STXBP4: variants seen among roughly 807,000 people sequenced by gnomAD.
STXBP4 encodes the protein syntaxin-binding protein 4.
In STXBP4, 55 loss-of-function variants were observed where a neutral mutation model predicts 76.1. The ratio of observed to expected loss-of-function variants is 0.72; its 90% confidence interval spans 0.58 to 0.91. STXBP4 has a LOEUF of 0.91. Among genes scored for constraint, STXBP4 ranks in the 40% least tolerant of loss-of-function variants. The pLI is 0.00. For missense variants in STXBP4, 618 were observed against 636.9 expected, an observed-to-expected ratio of 0.97 and a Z score of 0.32; for synonymous variants, 201 against 220.2, an observed-to-expected ratio of 0.91 and a Z score of 0.77.
chr17:55,023,916 C>CA (rs61454264), intron 8 of STXBP4, among the ~76,000 whole-genome samples: 6,514 of 60,896 alleles, frequency 0.11, 33 homozygotes, highest in African/African-American at 0.13. Context: ...GGCCCTTTTC[C>CA]AAAAAAAAAA....
chr17:55,095,405 C>A (rs1022017318), intron 16 of STXBP4, among the ~76,000 whole-genome samples: 4 of 152,166 alleles, frequency 2.6e-5, no homozygotes, highest in Non-Finnish European at 1.5e-5. Context: ...GCCTGAAAAT[C>A]TCCTCTTCCA....
chr17:55,077,098 A>T (rs1368335630), intron 13 of STXBP4, among the ~76,000 whole-genome samples: 2 of 152,150 alleles, frequency 1.3e-5, no homozygotes, highest in African/African-American at 4.8e-5. Flanking sequence ...GTATCTGCTC[A>T]CTTAAATATC....
Position 55,007,489 on chromosome 17 carries a change from A to G in STXBP4, c.575-17A>G, listed in dbSNP as rs1288614261. 6.3e-7 allele frequency: 1 copy of G among 1,587,514 alleles called. No homozygotes were observed. ...CCAATTAAGTTCCCAATTAATGTGC[A>G]CCCTGTTGTCTCTTAGATGTTGCTT... is the stretch of plus-strand genomic sequence containing the variant. On this transcript the variant is annotated splice_polypyrimidine_tract_variant and intron_variant, in intron 7 of 17. Transcript: ENST00000376352.
chr17:54,986,026 A>T lies in STXBP4; in HGVS notation c.-78-116A>T, dbSNP rs1309216134. On this transcript the variant is annotated intron_variant, in intron 2 of 17. Transcript: ENST00000376352. ...AATACATACAATACATCTAACATCT[A>T]TATACAGGCTTATATTATTTATGTT... 5 of 588,248 alleles carry T rather than the reference A, an allele frequency of 8.5e-6. No individual in the cohort carries two copies. The East Asian group carries it at 1.5e-4, about 18-fold the overall frequency. 36.4% of individuals were successfully genotyped at this position (588,248 alleles called of 1,614,324 possible). A position where few individuals can be genotyped will look rare whatever the true frequency, so the allele number is the denominator to read the frequency against.
chr17:55,210,745 T>G, the STXBP4 span, among the ~76,000 whole-genome samples: 1 of 152,234 alleles, frequency 6.6e-6, no homozygotes, highest in African/African-American at 2.4e-5. Flanking sequence ...AACACACATG[T>G]GTTGTAAAAC....
At position 54,990,405 on chromosome 17, in the gene STXBP4, G is replaced by C. The variant is rs113230395; in HGVS notation, c.48-420G>C. Among the ~76,000 whole-genome samples the C allele has an allele frequency of 2.4e-4, 37 of 152,270 alleles. 2 individuals are homozygous for C. The highest frequency in any genetic ancestry group is 8.7e-4 in the African/African-American group (36 of 41,542). The stretch of plus-strand genomic sequence containing the variant: ...AGGAGCATGAACCCTATTGTGAACT[G>C]TGCATGTGAGGGATCTAGCTTGCGT... On this transcript the variant is annotated intron_variant, in intron 3 of 17. Transcript: ENST00000376352.
chr17:55,114,638 A>C (rs964912653), intron 16 of STXBP4, among the ~76,000 whole-genome samples: 8 of 152,054 alleles, frequency 5.3e-5, no homozygotes, highest in Non-Finnish European at 8.8e-5. Flanking sequence ...TTATTTCAGA[A>C]AAGGCTTAAC....
intron 17 of STXBP4, among the ~76,000 whole-genome samples, chr17:55,150,886 T>G (rs2080208540): frequency 6.6e-6 from 1 of 152,214 alleles, no homozygotes; most frequent in Admixed American, 6.5e-5. Context: ...GCTAATCAAC[T>G]AACCTTAAAA....
In STXBP4 at chr17:55,001,663, A is replaced by C. The variant is rs544728636; in HGVS notation, c.574+780A>C. ...TGAAAAATAAGGAAGCATTAATTTA[A>C]ATTAAATAGCTACCAATCTTTTTTT... On this transcript the variant is annotated intron_variant, in intron 7 of 17. Transcript: ENST00000376352. Among the ~76,000 whole-genome samples, 44 of 152,338 alleles carry C rather than the reference A, an allele frequency of 2.9e-4. 1 individual carries two copies. The highest frequency in any genetic ancestry group is 6.8e-3 in the Middle Eastern group (2 of 294).
At chr17:55,053,213 G>T (rs546088645) in intron 12 of STXBP4, among the ~76,000 whole-genome samples, 2 of 151,822 alleles carry the variant, frequency 1.3e-5, no homozygotes, top group East Asian at 1.9e-4. Context: ...TTATATAAAA[G>T]AATATCCTTA....
At chr17:55,185,244 T>TCC in the STXBP4 span, among the ~76,000 whole-genome samples, 7 of 52,020 alleles carry the variant, frequency 1.3e-4, no homozygotes, top group Admixed American at 5.1e-4. Context: ...CTTCTTCTTC[T>TCC]TCTTCTCCTT....
Position 55,165,551 on chromosome 17 carries a change from C to T in STXBP4, c.*5640C>T, listed in dbSNP as rs1469948349. ...GCTGGACCTGAATGAGGATCTTTTCCATTCAATCCACATGTTCTCTCAATG... is the reference window on the plus strand; with the variant it reads ...GCTGGACCTGAATGAGGATCTTTTCTATTCAATCCACATGTTCTCTCAATG... On this transcript the variant is annotated 3_prime_UTR_variant, in exon 18 of 18. Transcript: ENST00000376352. 1 of 152,246 alleles carries T rather than the reference C, an allele frequency of 6.6e-6. No individual in the cohort carries two copies. The highest frequency in any genetic ancestry group is 1.5e-5 in the Non-Finnish European group (1 of 68,054). 9.4% of individuals were successfully genotyped at this position (152,246 alleles called of 1,614,324 possible).
Position 55,081,101 on chromosome 17 carries a change from G to A in STXBP4, c.1407G>A (p.Arg469=). 2 of 1,560,666 alleles carry A rather than the reference G, an allele frequency of 1.3e-6. No homozygotes were observed. Among genetic ancestry groups the A allele is most frequent in the Non-Finnish European group, 8.6e-7 (1 of 1,158,062 alleles). Residue 469 remains arginine (R), a synonymous_variant, in exon 16 of 18, where the codon AGG becomes AGA. Coordinates refer to ENST00000376352, the MANE Select transcript of STXBP4 (RefSeq NM_178509.6). The stretch of plus-strand genomic sequence containing the variant: ...AGACTTCCCTCACACCACTGGGAAG[G>A]AATGGACGTAGCATCCCAGCAACGC... ...ASQTSLTPLG[R]NGRSIPATLA...
At chr17:55,037,718 G>A (rs568012129) in intron 10 of STXBP4, among the ~76,000 whole-genome samples, 16 of 152,046 alleles carry the variant, frequency 1.1e-4, no homozygotes, top group South Asian at 4.1e-4. Flanking sequence ...CCATACTCAC[G>A]TATATAACTG....
rs929380205 is a variant in STXBP4, at chr17:55,085,236, A to G, written c.1489+4053A>G. Among the ~76,000 whole-genome samples, 25 of 152,100 alleles carry G rather than the reference A, an allele frequency of 1.6e-4. 1 individual carries two copies. The highest frequency in any genetic ancestry group is 2.2e-4 in the Non-Finnish European group (15 of 68,022). ...GGTGGGTGGAGGGGGGAGGGATGGC[A>G]GTGGGAGATATACCTAATGCTAGAT... On this transcript the variant is annotated intron_variant, in intron 16 of 17. Transcript: ENST00000376352.
the STXBP4 span, among the ~76,000 whole-genome samples, chr17:55,208,899 T>A: frequency 1.4e-4 from 21 of 150,624 alleles, no homozygotes; most frequent in East Asian, 3.6e-3. Context: ...CTGGCCAACA[T>A]GGTAAAACTC....
At chr17:54,976,150 T>A (rs932772599) in intron 1 of STXBP4, among the ~76,000 whole-genome samples, 1 of 152,200 alleles carries the variant, frequency 6.6e-6, no homozygotes, top group Non-Finnish European at 1.5e-5. Flanking sequence ...AATGCATGAA[T>A]GAAAGCAAAC....
intron 16 of STXBP4, among the ~76,000 whole-genome samples, chr17:55,104,584 T>G (rs1244167965): frequency 3.3e-5 from 5 of 152,150 alleles, no homozygotes; most frequent in African/African-American, 1.2e-4. Context: ...GGCCTTAAAT[T>G]TTTTTGTTGT....
intron 10 of STXBP4, among the ~76,000 whole-genome samples, chr17:55,041,809 A>T (rs925620704): frequency 3.3e-5 from 5 of 152,032 alleles, no homozygotes; most frequent in Admixed American, 6.6e-5. Flanking sequence ...AATAAGGTTA[A>T]TTTTTTCTAA....
Sources: allele counts gnomAD v4.1 joint callset (sites outside exome capture counted in the v4.1 genomes callset), GRCh38; gene constraint gnomAD v4.1.1; transcripts MANE v1.5; gene names NCBI Gene and HGNC (gene_info 2026-07-23, HGNC 2026-07-21).